Variants in PCDHA6 observed in about 807,000 individuals in gnomAD.
PCDHA6 encodes protocadherin alpha-6.
PCDHA6 carries 55 observed loss-of-function variants against 60.3 expected under a neutral mutation model. The ratio of observed to expected loss-of-function variants is 0.91; its 90% CI spans 0.73 to 1.14. The LOEUF (loss-of-function observed/expected upper bound fraction) is 1.14, where lower values mean the gene tolerates loss of function less well. Among genes scored for constraint, PCDHA6 ranks in the 50% most tolerant of loss-of-function variants. PCDHA6 has a pLI of 0.00. For missense variants in PCDHA6, 1,327 were observed against 1,256.5 expected (o/e 1.06, Z -0.85); for synonymous variants, 652 against 557.9 (o/e 1.17, Z -2.38).
At position 140,884,430 on chromosome 5, in the gene PCDHA6, T is replaced by G. The variant is rs1554181548; in HGVS notation, c.2394+53945T>G. The G allele has an allele frequency of 2.5e-6, 4 of 1,613,804 alleles. No homozygotes were observed. The African/African-American group carries it at 4.0e-5, about 16-fold the overall frequency. ...CTCACGTTGCTGCTGTATACTGCGC[T>G]GCGGTGCTCGGCACCGCCCACCGAG... On this transcript the variant is annotated intron_variant, in intron 1 of 3. Transcript: ENST00000529310.
intron 1 of PCDHA6, chr5:140,883,738 C>T (rs149972776): frequency 2.5e-5 from 41 of 1,613,276 alleles, no homozygotes; most frequent in Non-Finnish European, 3.3e-5. Flanking sequence ...ACGCGCTGGT[C>T]TCCTACTCGC....
chr5:141,009,533 G>T (rs1410740655), intron 3 of PCDHA6, 94 bp from the exon 4 acceptor site: 1 of 1,509,328 alleles, frequency 6.6e-7, no homozygotes, highest in African/African-American at 1.4e-5. Context: ...GGGAGGTTCA[G>T]CCTGCCTATG....
At chr5:140,840,433 C>T (rs1580937674) in intron 1 of PCDHA6, among the ~76,000 whole-genome samples, 1 of 151,660 alleles carries the variant, frequency 6.6e-6, no homozygotes, top group African/African-American at 2.4e-5. Context: ...AGTTTAAAGC[C>T]GTGGAAATAG....
rs543390372 is a variant in PCDHA6 at position 140,900,669 on chromosome 5, A to G, written c.2394+70184A>G. 4.8e-4 allele frequency among the ~76,000 whole-genome samples: 73 copies of G among 152,334 alleles called. 1 individual carries two copies. The highest frequency in any genetic ancestry group is 1.5e-3 in the South Asian group (7 of 4,824). On this transcript the variant is annotated intron_variant, in intron 1 of 3. Transcript: ENST00000529310. ...CTGCTGCAATGAACAATGGGAGTGC[A>G]GTTATCTCTTCAATATACTGATTTC...
intron 1 of PCDHA6, chr5:140,876,328 C>T: frequency 6.2e-7 from 1 of 1,613,940 alleles, no homozygotes; most frequent in Non-Finnish European, 8.5e-7. Context: ...AATGATTTTG[C>T]CAGTGAGTGA....
chr5:140,829,347 C>A lies in PCDHA6; in HGVS notation c.1256C>A (p.Ser419Ter). Residue 419 changes from serine (S) to a stop codon, truncating the protein, a stop_gained, in exon 1 of 4, where the codon TCG (serine) becomes TAG (stop). Coordinates refer to ENST00000529310, the MANE Select transcript of PCDHA6 (RefSeq NM_018909.4). LOFTEE classifies it high-confidence loss of function. ...LDSALDRESV[S>*]AYELVVTARD... is the part of the protein sequence containing the mutation. Reference sequence around the variant, plus strand: ...AGTGCCCTGGACCGCGAGAGCGTGTCGGCCTATGAGTTGGTGGTAACCGCG... The same window carrying A: ...AGTGCCCTGGACCGCGAGAGCGTGTAGGCCTATGAGTTGGTGGTAACCGCG... 6.2e-7 allele frequency: 1 copy of A among 1,614,232 alleles called. No homozygotes were observed. The highest frequency in any genetic ancestry group is 1.1e-5 in the South Asian group (1 of 91,090).
chr5:140,966,382 G>A, intron 1 of PCDHA6: 1 of 403,884 alleles, frequency 2.5e-6, no homozygotes, highest in Non-Finnish European at 4.3e-6. Context: ...GTCCGGGTTC[G>A]CTGTCCGCCA....
rs2150452884 is a variant in PCDHA6, at chr5:140,849,840, A to G, written c.2394+19355A>G. 1.9e-6 allele frequency: 3 copies of G among 1,598,334 alleles called. No individual in the cohort carries two copies. The Admixed American group carries it at 5.1e-5, about 27-fold the overall frequency. On this transcript the variant is annotated intron_variant, in intron 1 of 3. Coordinates refer to ENST00000529310, the MANE Select transcript of PCDHA6 (RefSeq NM_018909.4). ...GGTGTCTGTGGAGGTGGCCGACGTG[A>G]ACGACAACGCACCAGCGTTCGCGCA...
At chr5:140,999,551 G>C (rs1189671768) in intron 3 of PCDHA6, among the ~76,000 whole-genome samples, 3 of 152,088 alleles carry the variant, frequency 2.0e-5, no homozygotes, top group East Asian at 1.9e-4. Context: ...CAATGAAGAG[G>C]GGGTATTTTG....
chr5:140,927,942 T>C, intron 1 of PCDHA6: 1 of 1,614,226 alleles, frequency 6.2e-7, no homozygotes, highest in Non-Finnish European at 8.5e-7. Flanking sequence ...ACCCAGTACC[T>C]GAGGACGCTG....
intron 3 of PCDHA6, among the ~76,000 whole-genome samples, chr5:140,991,358 A>G (rs1417256360): frequency 6.6e-6 from 1 of 152,234 alleles, no homozygotes; most frequent in African/African-American, 2.4e-5. Context: ...AAGACTATTT[A>G]CTGTCTGAGT....
intron 3 of PCDHA6, among the ~76,000 whole-genome samples, chr5:141,005,485 T>C (rs57509018): frequency 5.3e-5 from 8 of 151,370 alleles, no homozygotes; most frequent in Non-Finnish European, 1.0e-4. Context: ...GGGCGGATCA[T>C]GAGGTCAGGA....
At chr5:141,007,422 G>A (rs190866782) in intron 3 of PCDHA6, among the ~76,000 whole-genome samples, 22 of 143,640 alleles carry the variant, frequency 1.5e-4, no homozygotes, top group African/African-American at 4.9e-4. Context: ...AAAAAAATTA[G>A]CCAGGCATGG....
chr5:140,970,293 T>C (rs2096396195), intron 1 of PCDHA6, among the ~76,000 whole-genome samples: 3 of 152,220 alleles, frequency 2.0e-5, no homozygotes, highest in Admixed American at 2.0e-4. Context: ...TTTCAAGTCC[T>C]TCATGTCTTT....
intron 1 of PCDHA6, among the ~76,000 whole-genome samples, chr5:140,916,143 T>A (rs1237563249): frequency 4.6e-5 from 7 of 152,012 alleles, no homozygotes; most frequent in Non-Finnish European, 8.8e-5. Context: ...GCTGTTCAGT[T>A]GTGTTGTGGT....
chr5:140,871,364 G>A lies in PCDHA6; in HGVS notation c.2394+40879G>A, dbSNP rs113722940. ...AGCTGGTCATACTCGCAGCAGAGGC[G>A]GCAGAGGGTGTGCTCTGAGGAGGGC... On this transcript the variant is annotated intron_variant, in intron 1 of 3. Transcript: ENST00000529310. The A allele has an allele frequency of 2.5e-5, 40 of 1,614,220 alleles. 1 individual carries two copies. The highest frequency in any genetic ancestry group is 2.0e-4 in the African/African-American group (15 of 75,074).
chr5:140,981,456 C>G (rs2096933076), intron 2 of PCDHA6, among the ~76,000 whole-genome samples: 1 of 152,054 alleles, frequency 6.6e-6, no homozygotes, highest in African/African-American at 2.4e-5. Flanking sequence ...TGCCTGTAGT[C>G]CCAGCTACTT....
chr5:140,876,867 G>A, intron 1 of PCDHA6: 1 of 1,614,152 alleles, frequency 6.2e-7, no homozygotes, highest in Non-Finnish European at 8.5e-7. Context: ...TGTTCGTGAA[G>A]GAGAACAACC....
intron 1 of PCDHA6, among the ~76,000 whole-genome samples, chr5:140,960,011 A>G (rs578052753): frequency 1.2e-4 from 18 of 152,350 alleles, no homozygotes; most frequent in Admixed American, 1.0e-3. Flanking sequence ...TCTATTTTGC[A>G]TCATGATTTT....
Sources: allele counts gnomAD v4.1 joint callset (sites outside exome capture counted in the v4.1 genomes callset), GRCh38; gene constraint gnomAD v4.1.1; transcripts MANE v1.5; gene names NCBI Gene and HGNC (gene_info 2026-07-23, HGNC 2026-07-21).